The following SCCPDH variants were observed in gnomAD, a reference collection of about 807,000 sequenced individuals.
The protein encoded by SCCPDH is saccharopine dehydrogenase-like oxidoreductase.
In SCCPDH, 34 loss-of-function variants were observed where a neutral mutation model predicts 51.5. That is an observed-to-expected ratio of 0.66 (90% CI 0.50 to 0.88). The LOEUF is 0.88. Ranked by LOEUF, SCCPDH falls within the 40% of genes least tolerant of loss-of-function variation. The pLI, the probability that SCCPDH is intolerant of heterozygous loss-of-function variation, is 0.00. For missense variants in SCCPDH, 464 were observed against 527.1 expected, an observed-to-expected ratio of 0.88 and a Z score of 1.17; for synonymous variants, 187 against 191.3, an observed-to-expected ratio of 0.98 and a Z score of 0.19.
At chr1:246,756,725 C>G (rs1558173514) in intron 5 of SCCPDH, among the ~76,000 whole-genome samples, 1 of 152,064 alleles carries the variant, frequency 6.6e-6, no homozygotes, top group Non-Finnish European at 1.5e-5. Flanking sequence ...AAATCTGTAC[C>G]AGAATGAAAG....
chr1:246,766,000 T>C, intron 10 of SCCPDH, 58 bp from the exon 11 acceptor site: 1 of 1,126,622 alleles, frequency 8.9e-7, no homozygotes, highest in Non-Finnish European at 1.3e-6. Context: ...ATTTTTGATG[T>C]TGTTGAATGG....
chr1:246,733,975 G>A (rs747491970), intron 2 of SCCPDH, among the ~76,000 whole-genome samples: 20 of 152,190 alleles, frequency 1.3e-4, no homozygotes, highest in Non-Finnish European at 1.9e-4. Context: ...TATTGAAGTT[G>A]GGAGAGTAGG....
At chr1:246,737,686 G>A (rs1036790892) in intron 3 of SCCPDH, among the ~76,000 whole-genome samples, 1 of 151,898 alleles carries the variant, frequency 6.6e-6, no homozygotes, top group African/African-American at 2.4e-5. Context: ...CTGCCACCTG[G>A]GTTCAAGCGA....
chr1:246,762,437 C>G (rs1190351945), intron 9 of SCCPDH, among the ~76,000 whole-genome samples: 1 of 152,198 alleles, frequency 6.6e-6, no homozygotes. Context: ...TGTCTTCCCA[C>G]TGCTGTCCAA....
At chr1:246,741,130 T>C (rs780592374) in intron 4 of SCCPDH, among the ~76,000 whole-genome samples, 32 of 151,784 alleles carry the variant, frequency 2.1e-4, no homozygotes, top group Non-Finnish European at 3.2e-4. Context: ...AAAACAAAAC[T>C]GAAACAGGTA....
At chr1:246,762,714 G>A (rs936790605) in intron 9 of SCCPDH, among the ~76,000 whole-genome samples, 1 of 151,876 alleles carries the variant, frequency 6.6e-6, no homozygotes, top group Admixed American at 6.6e-5. Flanking sequence ...GGTGGTGCAC[G>A]CCTGTAGTCC....
At chr1:246,744,219 A>C in intron 5 of SCCPDH, 94 bp downstream of exon 5, 1 of 637,910 alleles carries the variant, frequency 1.6e-6, no homozygotes, top group Non-Finnish European at 2.7e-6. Flanking sequence ...ATAATTTTTA[A>C]TGTGTGAAAG....
chr1:246,759,377 C>T (rs1668979953), intron 7 of SCCPDH, among the ~76,000 whole-genome samples: 1 of 152,274 alleles, frequency 6.6e-6, no homozygotes, highest in African/African-American at 2.4e-5. Context: ...AACACAATAG[C>T]AGCAAATTCA....
At chr1:246,743,289 T>A (rs568626861) in intron 4 of SCCPDH, among the ~76,000 whole-genome samples, 33 of 152,062 alleles carry the variant, frequency 2.2e-4, no homozygotes, top group African/African-American at 6.3e-4. Flanking sequence ...GCTAATTTTT[T>A]TAAAAAAATT....
At chr1:246,754,259 G>A (rs1475893449) in intron 5 of SCCPDH, among the ~76,000 whole-genome samples, 1 of 151,962 alleles carries the variant, frequency 6.6e-6, no homozygotes, top group Non-Finnish European at 1.5e-5. Context: ...TCCCCAGGTC[G>A]CCAGCCAGTT....
At chr1:246,746,503 C>T (rs113456323) in intron 5 of SCCPDH, among the ~76,000 whole-genome samples, 25,264 of 152,056 alleles carry the variant, frequency 0.17, 3,304 homozygotes, top group African/African-American at 0.36. Context: ...GAGGCAGAAA[C>T]TGGGCATAAG....
At position 246,740,258 on chromosome 1, in the gene SCCPDH, T is replaced by C; in HGVS notation, c.471T>C (p.Ile157=). 6.2e-7 allele frequency: 1 copy of C among 1,610,396 alleles called. No individual in the cohort carries two copies. Among genetic ancestry groups the C allele is most frequent in the Non-Finnish European group, 8.5e-7 (1 of 1,177,334 alleles). ...TTGGAAGCAGCGGCTTTGACTCCAT[T>C]CCAGCAGATCTGGGAGTAATATATA... ...YIIGSSGFDS[I]PADLGVIYTR... Residue 157 remains isoleucine, a synonymous_variant, in exon 4 of 12, where the codon ATT becomes ATC. Transcript: ENST00000366510.
intron 2 of SCCPDH, among the ~76,000 whole-genome samples, chr1:246,731,533 G>T (rs1339714774): frequency 2.0e-5 from 3 of 152,206 alleles, no homozygotes; most frequent in Non-Finnish European, 4.4e-5. Context: ...AATGAAGGGA[G>T]GGTGCTCCAG....
chr1:246,743,651 C>T (rs969983045), intron 4 of SCCPDH, among the ~76,000 whole-genome samples: 5 of 152,012 alleles, frequency 3.3e-5, no homozygotes, highest in Non-Finnish European at 7.4e-5. Context: ...CATGAGCCAC[C>T]ATGCCCAGCC....
intron 3 of SCCPDH, among the ~76,000 whole-genome samples, chr1:246,738,989 G>A (rs1026993046): frequency 2.2e-4 from 33 of 151,806 alleles, no homozygotes; most frequent in Non-Finnish European, 1.0e-4. Context: ...TAATGTGTTT[G>A]TATGTGTGTG....
intron 10 of SCCPDH, among the ~76,000 whole-genome samples, chr1:246,764,674 A>T (rs1669063699): frequency 6.6e-6 from 1 of 152,268 alleles, no homozygotes; most frequent in Non-Finnish European, 1.5e-5. Context: ...TAGTGTAATT[A>T]TAATGTCAGT....
chr1:246,740,894 A>G (rs1034763909), intron 4 of SCCPDH, among the ~76,000 whole-genome samples: 8 of 152,090 alleles, frequency 5.3e-5, no homozygotes, highest in African/African-American at 1.9e-4. Context: ...CAGCCTGGGC[A>G]ACATAGTAAG....
intron 5 of SCCPDH, among the ~76,000 whole-genome samples, chr1:246,757,631 A>G (rs1283053471): frequency 2.6e-5 from 4 of 152,222 alleles, no homozygotes; most frequent in Non-Finnish European, 5.9e-5. Flanking sequence ...CAATTAAAAT[A>G]CAAATCATTA....
intron 4 of SCCPDH, among the ~76,000 whole-genome samples, chr1:246,741,673 G>A (rs74629791): frequency 4.5e-4 from 69 of 152,252 alleles, no homozygotes; most frequent in African/African-American, 1.5e-3. Flanking sequence ...TTATATCAGA[G>A]GTGAACAGCT....
Sources: gnomAD v4.1 joint callset for allele counts (sites outside exome capture counted in the v4.1 genomes callset) on GRCh38, gnomAD v4.1.1 for gene constraint, MANE v1.5 for transcripts, NCBI Gene and HGNC (gene_info 2026-07-23, HGNC 2026-07-21) for gene names.